Variants in WDR70 observed in about 807,000 individuals in gnomAD.
The protein encoded by WDR70 is WD repeat-containing protein 70.
A neutral mutation model predicts 88.6 loss-of-function variants in WDR70; 53 were observed. That is an observed-to-expected ratio of 0.60 (90% CI 0.48 to 0.75). The LOEUF (loss-of-function observed/expected upper bound fraction) is 0.75. WDR70 is among the 30% of genes least tolerant of loss of function. The pLI is 0.00. For synonymous variants in WDR70, 280 were observed against 270.0 expected, an observed-to-expected ratio of 1.04 and a Z score of -0.36; for missense variants, 610 against 823.2, an observed-to-expected ratio of 0.74 and a Z score of 3.17.
chr5:37,653,534 C>T (rs969151632), intron 10 of WDR70, among the ~76,000 whole-genome samples: 1 of 152,062 alleles, frequency 6.6e-6, no homozygotes, highest in Non-Finnish European at 1.5e-5. Flanking sequence ...CTCTTTGTAC[C>T]TCTGGTAGAA....
At chr5:37,474,216 C>T (rs1005937835) in intron 7 of WDR70, among the ~76,000 whole-genome samples, 2 of 152,150 alleles carry the variant, frequency 1.3e-5, no homozygotes, top group South Asian at 2.1e-4. Flanking sequence ...AGGTTTTTGA[C>T]ATTTATTGAG....
chr5:37,595,887 C>T (rs1743687185), intron 9 of WDR70, among the ~76,000 whole-genome samples: 1 of 152,072 alleles, frequency 6.6e-6, no homozygotes, highest in Non-Finnish European at 1.5e-5. Context: ...TTTATCCAAG[C>T]ATTTTAGGAA....
At chr5:37,422,967 T>C (rs562313170) in intron 5 of WDR70, among the ~76,000 whole-genome samples, 1 of 152,200 alleles carries the variant, frequency 6.6e-6, no homozygotes, top group East Asian at 1.9e-4. Context: ...GGGAATGTTG[T>C]GAAAAGTTTT....
chr5:37,402,530 T>G (rs1014478010), intron 5 of WDR70, among the ~76,000 whole-genome samples: 1 of 152,048 alleles, frequency 6.6e-6, no homozygotes, highest in South Asian at 2.1e-4. Flanking sequence ...ATATATATAT[T>G]TTTGGGGTAT....
chr5:37,540,953 A>G (rs1241540615), intron 9 of WDR70, among the ~76,000 whole-genome samples: 1 of 152,244 alleles, frequency 6.6e-6, no homozygotes, highest in Non-Finnish European at 1.5e-5. Flanking sequence ...AATAGGGGTT[A>G]TAAAACTCAG....
Position 37,396,866 on chromosome 5 carries a change from G to A in WDR70, c.492+296G>A, listed in dbSNP as rs745867038. Reference sequence around the variant, plus strand: ...AAAAACCAAACCGAGGAAAAAGGCCGGTACAGTGGCTCACACCCGTAATCC... The same window carrying A: ...AAAAACCAAACCGAGGAAAAAGGCCAGTACAGTGGCTCACACCCGTAATCC... On this transcript the variant is annotated intron_variant, in intron 5 of 17. Transcript: ENST00000265107. 4.6e-5 allele frequency among the ~76,000 whole-genome samples: 7 copies of A among 152,118 alleles called. 1 individual carries two copies. The highest frequency in any genetic ancestry group is 3.3e-4 in the Admixed American group (5 of 15,248).
Position 37,559,455 on chromosome 5 carries a change from C to G in WDR70, c.917+42865C>G, listed in dbSNP as rs189972972. Among the ~76,000 whole-genome samples the G allele has an allele frequency of 1.9e-3, 287 of 152,238 alleles. 4 individuals are homozygous for G. Among genetic ancestry groups the G allele is most frequent in the Middle Eastern group, 3.4e-3 (1 of 294 alleles). On this transcript the variant is annotated intron_variant, in intron 9 of 17. Coordinates refer to ENST00000265107, the MANE Select transcript of WDR70 (RefSeq NM_018034.4). ...TCCTCCTCCTTCATCTCACTTAACA[C>G]AAATATTAATCCAGAGCATATTCCT...
chr5:37,696,977 ACT>A (rs1747003199), intron 10 of WDR70, among the ~76,000 whole-genome samples: 1 of 152,220 alleles, frequency 6.6e-6, no homozygotes, highest in Admixed American at 6.5e-5. Context: ...CCCCAGCTCT[ACT>A]ACTTACTAAC....
chr5:37,381,652 A>G lies in WDR70; in HGVS notation c.142A>G (p.Arg48Gly). 1 of 1,611,838 alleles carries G rather than the reference A, an allele frequency of 6.2e-7. No individual in the cohort carries two copies. Among genetic ancestry groups the G allele is most frequent in the East Asian group, 2.2e-5 (1 of 44,806 alleles). Residue 48 changes from arginine to glycine, a missense_variant, in exon 3 of 18, where the codon AGG becomes GGG. This residue lies in a region of WDR70 where 203 missense variants were observed against 228.1 expected (regional missense o/e 0.89). Transcript: ENST00000265107. ...GGAAGCAATGTTTGAACAAACTCGA[A>G]GGACAGCTGTGGAAAGAAGTCGCAA... Reference protein sequence around the residue: ...DLEAMFEQTRRTAVERSRKTL... With the variant: ...DLEAMFEQTRGTAVERSRKTL...
intron 5 of WDR70, among the ~76,000 whole-genome samples, chr5:37,428,907 A>G (rs1336634420): frequency 6.6e-6 from 1 of 152,120 alleles, no homozygotes; most frequent in Non-Finnish European, 1.5e-5. Flanking sequence ...CCTTGCCTAC[A>G]CTTGGTATTG....
intron 7 of WDR70, among the ~76,000 whole-genome samples, chr5:37,456,029 T>G (rs1037921689): frequency 9.8e-6 from 1 of 102,186 alleles, no homozygotes; most frequent in African/African-American, 2.8e-5. Context: ...TTCCAGTTTT[T>G]AGGTATAAGG....
intron 10 of WDR70, among the ~76,000 whole-genome samples, chr5:37,608,760 T>C (rs914844775): frequency 6.6e-6 from 1 of 152,044 alleles, no homozygotes; most frequent in African/African-American, 2.4e-5. Flanking sequence ...GGGCTCACTA[T>C]GTAACCCAGG....
intron 7 of WDR70, among the ~76,000 whole-genome samples, chr5:37,452,762 A>G (rs1442434399): frequency 2.6e-5 from 4 of 152,180 alleles, no homozygotes; most frequent in African/African-American, 7.2e-5. Flanking sequence ...TTTTCAAACC[A>G]TCTCCTCACC....
intron 9 of WDR70, among the ~76,000 whole-genome samples, chr5:37,563,478 G>A (rs1274677488): frequency 1.8e-5 from 1 of 55,828 alleles, no homozygotes; most frequent in Non-Finnish European, 4.4e-5. Flanking sequence ...GGGCAGAGGG[G>A]CTCCTCACTT....
chr5:37,476,352 C>A (rs780022910), intron 7 of WDR70, among the ~76,000 whole-genome samples: 7 of 152,118 alleles, frequency 4.6e-5, no homozygotes, highest in Non-Finnish European at 8.8e-5. Context: ...TGCCATTTTG[C>A]AGCTGTTTTC....
At chr5:37,618,654 T>C (rs1177810972) in intron 10 of WDR70, among the ~76,000 whole-genome samples, 2 of 152,040 alleles carry the variant, frequency 1.3e-5, no homozygotes, top group African/African-American at 4.8e-5. Context: ...AAGGAGGAAG[T>C]GGGAAAAGGT....
intron 10 of WDR70, among the ~76,000 whole-genome samples, chr5:37,694,428 G>A (rs949753436): frequency 6.6e-6 from 1 of 152,150 alleles, no homozygotes; most frequent in Non-Finnish European, 1.5e-5. Context: ...ATTCACAATA[G>A]CAAAGACTTG....
chr5:37,689,534 T>C (rs888945621), intron 10 of WDR70, among the ~76,000 whole-genome samples: 1 of 152,212 alleles, frequency 6.6e-6, no homozygotes, highest in African/African-American at 2.4e-5. Flanking sequence ...TATTTGCTGT[T>C]CTGCAGCCTC....
intron 8 of WDR70, among the ~76,000 whole-genome samples, chr5:37,508,265 A>G (rs186361707): frequency 6.4e-4 from 98 of 152,232 alleles, no homozygotes; most frequent in African/African-American, 2.3e-3. Context: ...CTATGATGCG[A>G]TTAGTGCCCT....
Sources: allele counts gnomAD v4.1 joint callset (sites outside exome capture counted in the v4.1 genomes callset), GRCh38; gene constraint gnomAD v4.1.1; regional missense constraint gnomAD v4.1.1; transcripts MANE v1.5; gene names NCBI Gene and HGNC (gene_info 2026-07-23, HGNC 2026-07-21).